The following PMFBP1 variants were observed in gnomAD, a reference collection of about 807,000 sequenced individuals.
The protein encoded by PMFBP1 is polyamine-modulated factor 1-binding protein 1.
Under a neutral mutation model 137.8 loss-of-function variants are expected in PMFBP1, and 131 were observed. The ratio of observed to expected loss-of-function variants is 0.95; its 90% CI spans 0.82 to 1.10. PMFBP1 has a LOEUF of 1.10. Among genes scored for constraint, PMFBP1 ranks in the 50% least tolerant of loss-of-function variants. The pLI is 0.00. For synonymous variants in PMFBP1, 490 were observed against 450.4 expected, an observed-to-expected ratio of 1.09 and a Z score of -1.11; for missense variants, 1,199 against 1,175.4, an observed-to-expected ratio of 1.02 and a Z score of -0.29.
At chr16:72,214,820 T>A in the PMFBP1 span, among the ~76,000 whole-genome samples, 1 of 151,878 alleles carries the variant, frequency 6.6e-6, no homozygotes, top group Admixed American at 6.6e-5. Context: ...CTCATGGAAA[T>A]TAGAGGAATA....
chr16:72,247,283 G>A, the PMFBP1 span, among the ~76,000 whole-genome samples: 1 of 152,274 alleles, frequency 6.6e-6, no homozygotes, highest in East Asian at 1.9e-4. Context: ...ATTTTCATCT[G>A]GAGGTTTTAG....
the PMFBP1 span, among the ~76,000 whole-genome samples, chr16:72,232,500 G>A: frequency 6.6e-6 from 1 of 152,156 alleles, no homozygotes; most frequent in East Asian, 1.9e-4. Context: ...ATGAACAGAG[G>A]TATTTATTTC....
chr16:72,179,764 G>A (rs1275574906), upstream of PMFBP1, among the ~76,000 whole-genome samples: 1 of 152,162 alleles, frequency 6.6e-6, no homozygotes, highest in Non-Finnish European at 1.5e-5. Flanking sequence ...CTGTATGATC[G>A]TTGCTATGGC....
intron 5 of PMFBP1, among the ~76,000 whole-genome samples, chr16:72,148,242 C>A (rs944557702): frequency 2.0e-5 from 3 of 151,966 alleles, no homozygotes; most frequent in Non-Finnish European, 4.4e-5. Context: ...AAACTGGAAA[C>A]CATCATTCTC....
the PMFBP1 span, among the ~76,000 whole-genome samples, chr16:72,186,272 A>G: frequency 1.3e-5 from 2 of 152,172 alleles, no homozygotes; most frequent in Admixed American, 6.5e-5. Context: ...CCTGTAATCT[A>G]CTTTGAAGTT....
At chr16:72,162,980 T>C (rs1281318426) in intron 3 of PMFBP1, among the ~76,000 whole-genome samples, 1 of 152,248 alleles carries the variant, frequency 6.6e-6, no homozygotes, top group Admixed American at 6.5e-5. Context: ...GAAGTAGAAA[T>C]GCTTTGTTGG....
chr16:72,118,820 T>C (rs780744314), downstream of PMFBP1, among the ~76,000 whole-genome samples: 2 of 152,150 alleles, frequency 1.3e-5, no homozygotes, highest in Non-Finnish European at 2.9e-5. Flanking sequence ...CCCTTATTGC[T>C]CTTCCTTTCT....
At chr16:72,193,724 G>GAA in the PMFBP1 span, among the ~76,000 whole-genome samples, 1 of 134,804 alleles carries the variant, frequency 7.4e-6, no homozygotes, top group Non-Finnish European at 1.6e-5. Context: ...TATCAGTGAG[G>GAA]AAAAAAAAAA....
chr16:72,179,016 C>A (rs1024053952), upstream of PMFBP1, among the ~76,000 whole-genome samples: 4 of 152,228 alleles, frequency 2.6e-5, no homozygotes, highest in African/African-American at 9.6e-5. Flanking sequence ...TGGGCTGGCA[C>A]TATGCAACAA....
At chr16:72,195,884 C>A in the PMFBP1 span, among the ~76,000 whole-genome samples, 1 of 152,160 alleles carries the variant, frequency 6.6e-6, no homozygotes, top group Admixed American at 6.5e-5. Context: ...GCAATCCACT[C>A]CAGAATCTGA....
chr16:72,131,506 A>T (rs2144288772), intron 10 of PMFBP1, among the ~76,000 whole-genome samples: 1 of 152,276 alleles, frequency 6.6e-6, no homozygotes. Flanking sequence ...ACTGGGTATG[A>T]GGGGAAGGCA....
At position 72,126,079 on chromosome 16, in the gene PMFBP1, A is replaced by G. The variant is rs200607872; in HGVS notation, c.2142T>C (p.Ala714=). 1 of 1,614,124 alleles carries G rather than the reference A, an allele frequency of 6.2e-7. No homozygotes were observed. Among genetic ancestry groups the G allele is most frequent in the Non-Finnish European group, 8.5e-7 (1 of 1,180,018 alleles). Residue 714 remains alanine (A), a synonymous_variant, in exon 15 of 21, where the codon GCT becomes GCC. Coordinates refer to ENST00000237353, the MANE Select transcript of PMFBP1 (RefSeq NM_031293.3). ...GGAGATAGTGCTTCTCCTTCTGCAG[A>G]GCTTTGTCCAGCTGGGCCTGCAGGC... ...LMSLQAQLDK[A]LQKEKHYLQT... is the part of the protein sequence containing the mutation.
chr16:72,248,978 C>G, the PMFBP1 span, among the ~76,000 whole-genome samples: 2 of 152,046 alleles, frequency 1.3e-5, no homozygotes, highest in South Asian at 4.2e-4. Flanking sequence ...AACAGCTACT[C>G]AAGGTAGTAT....
At chr16:72,210,516 C>T in the PMFBP1 span, among the ~76,000 whole-genome samples, 2 of 152,224 alleles carry the variant, frequency 1.3e-5, no homozygotes, top group Admixed American at 1.3e-4. Flanking sequence ...CTTCACAGTC[C>T]TGCTGGGGGA....
chr16:72,180,769 C>G (rs111279908), upstream of PMFBP1, among the ~76,000 whole-genome samples: 89 of 152,234 alleles, frequency 5.8e-4, no homozygotes, highest in African/African-American at 2.1e-3. Flanking sequence ...CAGCAGCAGT[C>G]TGGTGCTTTG....
intron 1 of PMFBP1, 156 bp downstream of exon 1, chr16:72,171,898 A>G (rs1481799830): frequency 6.6e-6 from 1 of 152,272 alleles, no homozygotes; most frequent in East Asian, 1.9e-4. Context: ...TTATCTAGCT[A>G]GAAAGCCTCC....
intron 5 of PMFBP1, among the ~76,000 whole-genome samples, chr16:72,149,748 G>C (rs980887942): frequency 6.6e-5 from 10 of 152,120 alleles, no homozygotes; most frequent in Non-Finnish European, 1.5e-5. Flanking sequence ...ACTTGAACCT[G>C]GGAGATGGAG....
chr16:72,212,447 T>C, the PMFBP1 span, among the ~76,000 whole-genome samples: 1 of 149,968 alleles, frequency 6.7e-6, no homozygotes, highest in Non-Finnish European at 1.5e-5. Context: ...TTCTTTAAGC[T>C]ATGAGTGCTT....
chr16:72,158,959 C>G (rs2043022486), intron 3 of PMFBP1, among the ~76,000 whole-genome samples: 1 of 152,142 alleles, frequency 6.6e-6, no homozygotes, highest in Non-Finnish European at 1.5e-5. Flanking sequence ...CACACCACTG[C>G]ACCCCAGCCT....
Sources: gnomAD v4.1 joint callset for allele counts (sites outside exome capture counted in the v4.1 genomes callset) on GRCh38, gnomAD v4.1.1 for gene constraint, MANE v1.5 for transcripts, NCBI Gene and HGNC (gene_info 2026-07-23, HGNC 2026-07-21) for gene names.